The following KREMEN1 variants were observed in gnomAD, a reference collection of about 807,000 sequenced individuals.
KREMEN1 encodes kringle containing transmembrane protein 1.
KREMEN1 carries 30 observed loss-of-function variants against 46.5 expected under a neutral mutation model. The observed-to-expected ratio is 0.65, with a 90% CI of 0.48 to 0.88. The LOEUF (loss-of-function observed/expected upper bound fraction) is 0.88, where lower values mean the gene tolerates loss of function less well. Ranked by LOEUF, KREMEN1 falls within the 40% of genes least tolerant of loss-of-function variation. KREMEN1 has a pLI of 0.00. For missense variants in KREMEN1, 533 were observed against 596.9 expected, an observed-to-expected ratio of 0.89 and a Z score of 1.11; for synonymous variants, 214 against 230.6, an observed-to-expected ratio of 0.93 and a Z score of 0.65.
chr22:29,127,663 A>G (rs1015105514), intron 5 of KREMEN1, among the ~76,000 whole-genome samples: 1 of 152,192 alleles, frequency 6.6e-6, no homozygotes, highest in Non-Finnish European at 1.5e-5. Flanking sequence ...AAAAAAAAAA[A>G]GTAAACAGTC....
chr22:29,135,698 T>C (rs1203739942), intron 5 of KREMEN1, among the ~76,000 whole-genome samples: 1 of 152,180 alleles, frequency 6.6e-6, no homozygotes, highest in Admixed American at 6.5e-5. Context: ...GCTGAGACAC[T>C]AGCCCACTCT....
Position 29,161,332 on chromosome 22 carries a change from C to T in KREMEN1, c.1417-5712C>T, listed in dbSNP as rs1265529198. ...ACCATCCTGGCTAACATGATGAAAC[C>T]CCGTCTGTACTAAAAATACAAAAAA... On this transcript the variant is annotated intron_variant, in intron 9 of 9. Transcript: ENST00000327813. Among the ~76,000 whole-genome samples, 3 of 151,522 alleles carry T rather than the reference C, an allele frequency of 2.0e-5. No homozygotes were observed. The South Asian group carries it at 6.3e-4, about 32-fold the overall frequency.
At chr22:29,140,237 C>T in intron 7 of KREMEN1, 45 bp from the exon 8 acceptor site, 8 of 1,541,326 alleles carry the variant, frequency 5.2e-6, no homozygotes, top group Non-Finnish European at 7.2e-6. Flanking sequence ...CTTTCGAAAA[C>T]CAACCATAAA....
At chr22:29,124,937 C>T (rs894820130) in intron 4 of KREMEN1, among the ~76,000 whole-genome samples, 3 of 152,168 alleles carry the variant, frequency 2.0e-5, no homozygotes, top group Admixed American at 6.5e-5. Context: ...CTGCCTGGCT[C>T]ATAGTAAACA....
intron 5 of KREMEN1, among the ~76,000 whole-genome samples, chr22:29,128,357 G>A (rs2038478211): frequency 6.6e-6 from 1 of 152,180 alleles, no homozygotes; most frequent in Non-Finnish European, 1.5e-5. Flanking sequence ...AGGAACATCT[G>A]TACTTTAAAA....
At chr22:29,166,620 G>A (rs2039054568) in intron 9 of KREMEN1, among the ~76,000 whole-genome samples, 1 of 152,196 alleles carries the variant, frequency 6.6e-6, no homozygotes, top group Admixed American at 6.5e-5. Flanking sequence ...TAGTCACAGT[G>A]AGATGGAGCT....
At chr22:29,161,280 G>C (rs551961473) in intron 9 of KREMEN1, among the ~76,000 whole-genome samples, 1 of 152,100 alleles carries the variant, frequency 6.6e-6, no homozygotes, top group African/African-American at 2.4e-5. Context: ...GGCCAAGGTG[G>C]GCAGATCATG....
chr22:29,134,517 G>A (rs529802890), intron 5 of KREMEN1, among the ~76,000 whole-genome samples: 1 of 152,220 alleles, frequency 6.6e-6, no homozygotes, highest in East Asian at 1.9e-4. Context: ...TAGCATCTGG[G>A]TCATCATTGA....
At chr22:29,108,476 G>T (rs2038095269) in intron 3 of KREMEN1, among the ~76,000 whole-genome samples, 1 of 152,128 alleles carries the variant, frequency 6.6e-6, no homozygotes, top group African/African-American at 2.4e-5. Flanking sequence ...TTTCCTCATT[G>T]GTGCCTTCCA....
At chr22:29,129,974 G>A (rs1293885039) in intron 5 of KREMEN1, among the ~76,000 whole-genome samples, 1 of 152,212 alleles carries the variant, frequency 6.6e-6, no homozygotes, top group East Asian at 1.9e-4. Flanking sequence ...TCAACAGTGG[G>A]TTACAGGAAC....
At chr22:29,125,109 G>C in intron 4 of KREMEN1, 154 bp from the exon 5 acceptor site, 1 of 714,470 alleles carries the variant, frequency 1.4e-6, no homozygotes, top group South Asian at 1.7e-5. Flanking sequence ...TTGAAATTAA[G>C]TGTTGCAAGA....
At position 29,144,812 on chromosome 22, in the gene KREMEN1, C is replaced by T; in HGVS notation, c.*2700C>T. 2 of 985,562 alleles carry T rather than the reference C, an allele frequency of 2.0e-6. No homozygotes were observed. The highest frequency in any genetic ancestry group is 2.4e-6 in the Non-Finnish European group (2 of 830,010). 61.1% of individuals were successfully genotyped at this position (985,562 alleles called of 1,614,324 possible). A position where few individuals can be genotyped will look rare whatever the true frequency, so the allele number is the denominator to read the frequency against. ...AATGCCCACCTTGCCCTCCTCACAT[C>T]TCAGTCAGGGGAGGCCATGCCCAAG... is the stretch of plus-strand genomic sequence containing the variant. On this transcript the variant is annotated 3_prime_UTR_variant, in exon 9 of 9. Transcript: ENST00000400335.
chr22:29,093,258 C>T (rs868368969), intron 1 of KREMEN1, among the ~76,000 whole-genome samples: 29 of 152,260 alleles, frequency 1.9e-4, no homozygotes, highest in Middle Eastern at 6.8e-3. Flanking sequence ...AGTTATAGGT[C>T]AGTGCATGCC....
intron 3 of KREMEN1, among the ~76,000 whole-genome samples, chr22:29,107,768 C>T (rs1033444183): frequency 6.6e-5 from 10 of 152,166 alleles, no homozygotes; most frequent in African/African-American, 2.2e-4. Flanking sequence ...CCTATGGTCC[C>T]AGCTACTCAG....
At chr22:29,163,762 AC>A (rs1387396095) in intron 9 of KREMEN1, among the ~76,000 whole-genome samples, 1 of 152,154 alleles carries the variant, frequency 6.6e-6, no homozygotes, top group African/African-American at 2.4e-5. Context: ...ACTGGGGACT[AC>A]TAAGGGGGGA....
chr22:29,145,411 G>A lies in KREMEN1; in HGVS notation c.*3299G>A. The A allele has an allele frequency of 1.0e-6, 1 of 985,434 alleles. No individual in the cohort carries two copies. The highest frequency in any genetic ancestry group is 1.2e-6 in the Non-Finnish European group (1 of 829,984). The allele number at this position is 985,434 out of a possible 1,614,324, so 61.0% of individuals were successfully genotyped here. ...AGCCCCTCCTGAGGTGACAGAGCGT[G>A]GGAGGAGGCTGCACTGGGCCTGCGT... On this transcript the variant is annotated 3_prime_UTR_variant, in exon 9 of 9. Transcript: ENST00000400335.
At chr22:29,099,173 T>C (rs540641178) in intron 3 of KREMEN1, 120 of 490,724 alleles carry the variant, frequency 2.4e-4, no homozygotes, top group African/African-American at 2.1e-3. Context: ...GGTATTCCCT[T>C]GATGGGTAAG....
At chr22:29,083,179 TA>T (rs2037682578) in intron 1 of KREMEN1, among the ~76,000 whole-genome samples, 1 of 152,216 alleles carries the variant, frequency 6.6e-6, no homozygotes, top group Admixed American at 6.5e-5. Flanking sequence ...TATTTATGAA[TA>T]AATATCTAAG....
downstream of KREMEN1, among the ~76,000 whole-genome samples, chr22:29,148,041 G>A (rs922549714): frequency 6.6e-5 from 10 of 152,240 alleles, no homozygotes; most frequent in Non-Finnish European, 1.2e-4. Flanking sequence ...ATGAGGAGGT[G>A]TCTGGGATGG....
Sources: allele counts gnomAD v4.1 joint callset (sites outside exome capture counted in the v4.1 genomes callset), GRCh38; gene constraint gnomAD v4.1.1; transcripts MANE v1.5; gene names NCBI Gene and HGNC (gene_info 2026-07-23, HGNC 2026-07-21).